GFM2: variants seen among roughly 807,000 people sequenced by gnomAD.
GFM2 encodes the protein ribosome-releasing factor 2, mitochondrial.
In GFM2, 72 loss-of-function variants were observed where a neutral mutation model predicts 95.4. The ratio of observed to expected loss-of-function variants is 0.76; its 90% CI spans 0.62 to 0.92. The LOEUF (loss-of-function observed/expected upper bound fraction) is 0.92, where lower values mean the gene tolerates loss of function less well. Ranked by LOEUF, GFM2 falls within the 40% of genes least tolerant of loss-of-function variation. The pLI is 0.00. For missense variants in GFM2, 825 were observed against 924.1 expected (o/e 0.89, Z 1.39); for synonymous variants, 276 against 317.5 (o/e 0.87, Z 1.39).
chr5:74,763,494 G>C lies in GFM2; in HGVS notation c.63+186C>G, dbSNP rs530267155. Reference sequence around the variant, plus strand: ...GCTGTTCTTTTACTTTTAAATTAAGGTAATTTCCTCTTATATTTCTTAATA... The same window carrying C: ...GCTGTTCTTTTACTTTTAAATTAAGCTAATTTCCTCTTATATTTCTTAATA... On this transcript the variant is annotated intron_variant, in intron 2 of 20. Transcript: ENST00000296805. 3.9e-5 allele frequency among the ~76,000 whole-genome samples: 6 copies of C among 152,166 alleles called. No individual in the cohort carries two copies. In the East Asian group the frequency reaches 9.7e-4, roughly 24 times the overall value.
At chr5:74,764,501 A>AT (rs897358749) in intron 1 of GFM2, among the ~76,000 whole-genome samples, 68 of 150,498 alleles carry the variant, frequency 4.5e-4, no homozygotes, top group East Asian at 1.8e-3. Context: ...GGTTTTTTTT[A>AT]TTTTTTTTTA....
At position 74,722,206 on chromosome 5, in the gene GFM2, C is replaced by T. The variant is rs1014208382; in HGVS notation, c.2211+173G>A. The stretch of plus-strand genomic sequence containing the variant: ...TAGTGCTATAATCCCTGGATTTCGC[C>T]AACAATTTAAATTCAAAGTCCTAAC... On this transcript the variant is annotated intron_variant, in intron 20 of 20. Coordinates refer to ENST00000296805, the MANE Select transcript of GFM2 (RefSeq NM_032380.5). 17 of 621,968 alleles carry T rather than the reference C, an allele frequency of 2.7e-5. No homozygotes were observed. The Admixed American group carries it at 5.2e-4, about 19-fold the overall frequency. The allele number at this position is 621,968 out of a possible 1,614,324, so 38.5% of individuals were successfully genotyped here. A position where few individuals can be genotyped will look rare whatever the true frequency, so the allele number is the denominator to read the frequency against.
chr5:74,736,901 G>C lies in GFM2; in HGVS notation c.1405C>G (p.His469Asp). ...CTCTCTGCTTCATTGTTTTGTCTGT[G>C]CTTCTTTTCTCCCTCCCGTTCGGCT... ...RRAEREGEKK[H>D]RQNNEAERLL... Residue 469 changes from histidine (H) to aspartate (D), a missense_variant, in exon 15 of 21, where the codon CAC becomes GAC. Physicochemically the swap from His to Asp is moderately conservative, Grantham distance 81. Coordinates refer to ENST00000296805, the MANE Select transcript of GFM2 (RefSeq NM_032380.5). 1 of 1,613,810 alleles carries C rather than the reference G, an allele frequency of 6.2e-7. No individual in the cohort carries two copies. The highest frequency in any genetic ancestry group is 8.5e-7 in the Non-Finnish European group (1 of 1,179,798).
At position 74,738,403 on chromosome 5, in the gene GFM2, C is replaced by T. The variant is rs571673017; in HGVS notation, c.1235G>A (p.Arg412His). The T allele has an allele frequency of 1.7e-5, 28 of 1,613,308 alleles. No homozygotes were observed. The highest frequency in any genetic ancestry group is 8.8e-5 in the South Asian group (8 of 90,984). ...INGNCTERISRLLLPFADQHV... is the reference protein window; with the variant it reads ...INGNCTERISHLLLPFADQHV... ...TTGGTCAGCAAACGGCAAAAGCAGA[C>T]GACTTATTCTCTCCCTGTAAAATCA... Residue 412 changes from arginine (R) to histidine (H), a missense_variant, in exon 14 of 21, where the codon CGT becomes CAT. By Grantham distance (29) the Arg-to-His change is conservative. Transcript: ENST00000296805.
intron 5 of GFM2, among the ~76,000 whole-genome samples, chr5:74,752,926 T>C (rs777652151): frequency 5.9e-5 from 9 of 152,110 alleles, no homozygotes; most frequent in Non-Finnish European, 8.8e-5. Flanking sequence ...AAGTGCCAGA[T>C]CTTCACTCTG....
At chr5:74,728,995 G>A (rs919201094) in intron 17 of GFM2, among the ~76,000 whole-genome samples, 1 of 151,914 alleles carries the variant, frequency 6.6e-6, no homozygotes, top group Non-Finnish European at 1.5e-5. Flanking sequence ...TTCGTGATCT[G>A]CCCACCTCAG....
intron 17 of GFM2, among the ~76,000 whole-genome samples, chr5:74,729,560 C>A (rs141800804): frequency 1.1e-4 from 16 of 152,154 alleles, no homozygotes; most frequent in Non-Finnish European, 1.9e-4. Context: ...AGAAAGAGAA[C>A]GCCTCATGCT....
intron 15 of GFM2, 24 bp downstream of exon 15, chr5:74,736,772 T>A: frequency 1.2e-6 from 2 of 1,613,090 alleles, no homozygotes; most frequent in Non-Finnish European, 1.7e-6. Flanking sequence ...CACTAATTAG[T>A]TGACACACTA....
At chr5:74,728,770 T>TTTTTTTTTTTTTGAGA (rs756604027) in intron 17 of GFM2, among the ~76,000 whole-genome samples, 1 of 113,794 alleles carries the variant, frequency 8.8e-6, no homozygotes. Flanking sequence ...TTTTTTTTTT[T>TTTTTTTTTTTTTGAGA]TTTTGAGATG....
In GFM2 at chr5:74,732,927, G is replaced by GACACACACAC. The variant is rs67360841; in HGVS notation, c.1587+85_1587+94dup. Reference sequence around the variant, plus strand: ...TTCAGGACACAGACTTAATGTTTTAGACACACACACACACACACACACACA... The same window carrying GACACACACAC: ...TTCAGGACACAGACTTAATGTTTTAGACACACACACACACACACACACACACACACACACA... On this transcript the variant is annotated intron_variant, in intron 16 of 20. Coordinates refer to ENST00000296805, the MANE Select transcript of GFM2 (RefSeq NM_032380.5). 1.1e-3 allele frequency: 451 copies of GACACACACAC among 403,556 alleles called. 1 individual carries two copies. The highest frequency in any genetic ancestry group is 1.9e-3 in the East Asian group (43 of 22,644). 25.0% of individuals were successfully genotyped at this position (403,556 alleles called of 1,614,324 possible).
intron 7 of GFM2, 148 bp from the exon 8 acceptor site, chr5:74,747,928 G>T: frequency 1.8e-6 from 1 of 567,716 alleles, no homozygotes; most frequent in Admixed American, 3.2e-5. Context: ...TATTTTTAGG[G>T]TCACTCTTTA....
intron 6 of GFM2, 37 bp downstream of exon 6, chr5:74,751,331 G>A (rs776757077): frequency 1.3e-6 from 2 of 1,559,446 alleles, no homozygotes; most frequent in African/African-American, 1.4e-5. Flanking sequence ...AACTCCAAAT[G>A]ACGCAGCATC....
Position 74,758,866 on chromosome 5 carries a change from T to G in GFM2, c.287A>C (p.Tyr96Ser). 1 of 1,599,342 alleles carries G rather than the reference T, an allele frequency of 6.3e-7. No homozygotes were observed. The highest frequency in any genetic ancestry group is 8.6e-7 in the Non-Finnish European group (1 of 1,166,736). ...TTERILYYSG[Y>S]TRSLGDVDDG... is the part of the protein sequence containing the mutation. ...ATTCTAACCTCCCAGTGATCTTGTA[T>G]ATCCGGAATAGTACAATATTCTTTC... The change falls in exon 5 of 21, where the codon TAT (tyrosine) becomes TCT (serine). Residue 96 changes from tyrosine to serine, a missense_variant. Transcript: ENST00000296805.
chr5:74,743,411 C>T (rs1444306217), intron 10 of GFM2, among the ~76,000 whole-genome samples: 2 of 152,204 alleles, frequency 1.3e-5, no homozygotes, highest in African/African-American at 4.8e-5. Flanking sequence ...TTTGCCAACA[C>T]CTATTTTCTG....
At chr5:74,733,157 T>C in intron 15 of GFM2, 59 bp from the exon 16 acceptor site, 4 of 1,265,002 alleles carry the variant, frequency 3.2e-6, no homozygotes, top group Non-Finnish European at 2.3e-6. Context: ...TATTATATGT[T>C]CTAGTGGGTA....
chr5:74,746,690 C>G (rs2112300584), intron 8 of GFM2, among the ~76,000 whole-genome samples: 1 of 152,260 alleles, frequency 6.6e-6, no homozygotes, highest in Non-Finnish European at 1.5e-5. Flanking sequence ...GGCACACAAG[C>G]TGATTTACAT....
chr5:74,747,718 T>TA lies in GFM2; in HGVS notation c.581dup (p.Leu194PhefsTer12), dbSNP rs1397183441. 2.5e-6 allele frequency: 4 copies of TA among 1,611,772 alleles called. No individual in the cohort carries two copies. The African/African-American group carries it at 5.3e-5, about 22-fold the overall frequency. Reference sequence around the variant, plus strand: ...TTGCTCCAGTTTTGTCCATCTTGTTTAAAAAACAGATTCGAGGTATATTGT... The same window carrying TA: ...TTGCTCCAGTTTTGTCCATCTTGTTTAAAAAAACAGATTCGAGGTATATTGT... On this transcript the variant is annotated frameshift_variant, in exon 8 of 21. Transcript: ENST00000296805. LOFTEE classifies it high-confidence loss of function.
chr5:74,755,575 C>G (rs998925444), intron 5 of GFM2, among the ~76,000 whole-genome samples: 17 of 152,076 alleles, frequency 1.1e-4, no homozygotes, highest in African/African-American at 4.1e-4. Context: ...TACAAAAGAT[C>G]ACTCAAAGCT....
chr5:74,746,191 T>C, intron 8 of GFM2, 26 bp from the exon 9 acceptor site: 3 of 1,297,396 alleles, frequency 2.3e-6, no homozygotes, highest in Non-Finnish European at 3.1e-6. Flanking sequence ...TAATTATAGT[T>C]AAAAACATGG....
Sources: gnomAD v4.1 joint callset for allele counts (sites outside exome capture counted in the v4.1 genomes callset) on GRCh38, gnomAD v4.1.1 for gene constraint, MANE v1.5 for transcripts, NCBI Gene and HGNC (gene_info 2026-07-23, HGNC 2026-07-21) for gene names.